The following MTCL2 variants were observed in gnomAD, a reference collection of about 807,000 sequenced individuals.
The protein encoded by MTCL2 is microtubule crosslinking factor 2.
the MTCL2 span, chr20:36,786,493 T>TG: frequency 3.2e-6 from 5 of 1,541,770 alleles, no homozygotes; most frequent in Non-Finnish European, 2.6e-6. Context: ...TGTCACTCGC[T>TG]GGGGGGGAGT....
chr20:36,794,943 CT>C, the MTCL2 span, among the ~76,000 whole-genome samples: 5 of 145,068 alleles, frequency 3.4e-5, no homozygotes, highest in Admixed American at 6.9e-5. The surrounding 1 kb of genome is among the most constrained non-coding windows in gnomAD (Gnocchi z 5.4). Context: ...TTTTTTTTTT[CT>C]TTTTTTTTTC....
chr20:36,816,197 C>A, the MTCL2 span: 3 of 1,613,550 alleles, frequency 1.9e-6, no homozygotes, highest in African/African-American at 4.0e-5. Context: ...ACTTCAGCAG[C>A]TCCTCCTTCA....
chr20:36,798,367 C>T, the MTCL2 span, among the ~76,000 whole-genome samples: 5 of 152,140 alleles, frequency 3.3e-5, no homozygotes, highest in African/African-American at 9.7e-5. Flanking sequence ...CGCGTCTGGC[C>T]GCATTAGTTG....
the MTCL2 span, chr20:36,863,419 C>T: frequency 9.3e-7 from 1 of 1,078,260 alleles, no homozygotes; most frequent in Non-Finnish European, 1.1e-6. This position sits in a 1 kb window ranked among gnomAD's most constrained non-coding sequence, Gnocchi z 6.2. Context: ...TGGGGAGGGA[C>T]CCGGCGCGGC....
At chr20:36,796,968 G>A in the MTCL2 span, 1 of 1,613,620 alleles carries the variant, frequency 6.2e-7, no homozygotes, top group Non-Finnish European at 8.5e-7. Context: ...AAGGAAGAGA[G>A]ACAGGAAGGG....
chr20:36,810,152 G>C, the MTCL2 span: 1 of 1,544,584 alleles, frequency 6.5e-7, no homozygotes, highest in Non-Finnish European at 8.7e-7. Context: ...GGGAGAGAGA[G>C]GAAGAAGTGG....
At chr20:36,797,055 CG>C in the MTCL2 span, 1 of 1,004,278 alleles carries the variant, frequency 1.0e-6, no homozygotes. Flanking sequence ...TCTCCTCATC[CG>C]GAGAGCAGGA....
the MTCL2 span, among the ~76,000 whole-genome samples, chr20:36,787,218 A>C: frequency 2.0e-5 from 3 of 151,520 alleles, no homozygotes; most frequent in African/African-American, 7.3e-5. Flanking sequence ...TTATATACCC[A>C]ATTCGCTTTT....
chr20:36,803,086 C>G, the MTCL2 span: 2 of 1,607,872 alleles, frequency 1.2e-6, no homozygotes. Flanking sequence ...TCCCCGGCCC[C>G]CTTCCCTGTC....
chr20:36,828,424 G>A, the MTCL2 span, among the ~76,000 whole-genome samples: 34 of 152,268 alleles, frequency 2.2e-4, no homozygotes, highest in East Asian at 9.6e-4. Flanking sequence ...CAAGCAGGGC[G>A]CATAACACAC....
At chr20:36,860,177 T>C in the MTCL2 span, among the ~76,000 whole-genome samples, 16 of 152,314 alleles carry the variant, frequency 1.1e-4, no homozygotes, top group East Asian at 3.1e-3. Context: ...GCCTTAGCGC[T>C]GTTCTTGAAC....
the MTCL2 span, among the ~76,000 whole-genome samples, chr20:36,829,481 G>A: frequency 5.9e-3 from 833 of 142,146 alleles, 8 homozygotes; most frequent in African/African-American, 0.021. Flanking sequence ...GGAAGACCCT[G>A]TTCTCAGGAA....
the MTCL2 span, among the ~76,000 whole-genome samples, chr20:36,862,100 G>A: frequency 1.3e-5 from 2 of 152,240 alleles, no homozygotes; most frequent in Admixed American, 6.5e-5. Context: ...AGGCTGGGCG[G>A]AAGTGGACTC....
the MTCL2 span, chr20:36,839,165 C>T: frequency 6.5e-7 from 1 of 1,541,766 alleles, no homozygotes; most frequent in Non-Finnish European, 8.8e-7. The surrounding 1 kb of genome is among the most constrained non-coding windows in gnomAD (Gnocchi z 5.1). Flanking sequence ...CTGGGCCCCA[C>T]TTAGACTTGT....
chr20:36,811,212 T>C, the MTCL2 span, among the ~76,000 whole-genome samples: 1 of 152,338 alleles, frequency 6.6e-6, no homozygotes, highest in East Asian at 1.9e-4. Flanking sequence ...CCTGGTTTCC[T>C]CCCTGAACTC....
the MTCL2 span, chr20:36,829,333 A>G: frequency 1.1e-6 from 1 of 944,104 alleles, no homozygotes; most frequent in Admixed American, 2.9e-5. Flanking sequence ...TTCCTATCGC[A>G]TCACTGCCAC....
chr20:36,849,632 G>A, the MTCL2 span, among the ~76,000 whole-genome samples: 1 of 152,036 alleles, frequency 6.6e-6, no homozygotes, highest in Non-Finnish European at 1.5e-5. Flanking sequence ...AGGGGGTCTT[G>A]CTTTAGTGAT....
the MTCL2 span, among the ~76,000 whole-genome samples, chr20:36,836,459 C>T: frequency 6.6e-6 from 1 of 150,530 alleles, no homozygotes. Context: ...ATTCATCTGC[C>T]TCAGCCTCCT....
At chr20:36,840,653 T>C in the MTCL2 span, among the ~76,000 whole-genome samples, 1 of 151,678 alleles carries the variant, frequency 6.6e-6, no homozygotes, top group Non-Finnish European at 1.5e-5. Context: ...AAGACCATCC[T>C]GGCTAACATG....
Sources: allele counts gnomAD v4.1 joint callset (sites outside exome capture counted in the v4.1 genomes callset), GRCh38; gene constraint gnomAD v4.1.1; non-coding constraint Gnocchi (gnomAD v3.1); transcripts MANE v1.5; gene names NCBI Gene and HGNC (gene_info 2026-07-23, HGNC 2026-07-21).